Variants in EXOC4 observed in about 807,000 individuals in gnomAD.
The protein encoded by EXOC4 is exocyst complex component 4.
A neutral mutation model predicts 107.2 loss-of-function variants in EXOC4; 71 were observed. The observed-to-expected ratio is 0.66, with a 90% CI of 0.55 to 0.81. EXOC4 has a LOEUF of 0.81. EXOC4 is among the 30% of genes least tolerant of loss of function. The pLI is 0.00. For missense variants in EXOC4, 1,108 were observed against 1,189.6 expected (o/e 0.93, Z 1.01); for synonymous variants, 456 against 441.2 (o/e 1.03, Z -0.42).
intron 6 of EXOC4, among the ~76,000 whole-genome samples, chr7:133,361,105 C>G (rs1471436525): frequency 6.6e-6 from 1 of 152,094 alleles, no homozygotes; most frequent in African/African-American, 2.4e-5. Flanking sequence ...TATGAAATAT[C>G]TGCCATGGAC....
intron 10 of EXOC4, among the ~76,000 whole-genome samples, chr7:133,796,465 A>G (rs1288229750): frequency 6.6e-6 from 1 of 152,170 alleles, no homozygotes; most frequent in Non-Finnish European, 1.5e-5. Flanking sequence ...TGAGTTAACA[A>G]TATTATTTTG....
the EXOC4 span, among the ~76,000 whole-genome samples, chr7:134,078,443 C>T: frequency 6.6e-6 from 1 of 152,118 alleles, no homozygotes; most frequent in African/African-American, 2.4e-5. Context: ...ATCCTGATGT[C>T]TAATTATCTC....
chr7:133,668,843 G>A (rs1400204605), intron 10 of EXOC4, among the ~76,000 whole-genome samples: 1 of 152,120 alleles, frequency 6.6e-6, no homozygotes, highest in Admixed American at 6.5e-5. Flanking sequence ...CAGGTGGTGA[G>A]GGGCAGCCTC....
intron 7 of EXOC4, among the ~76,000 whole-genome samples, chr7:133,409,118 G>T (rs1195261508): frequency 6.6e-6 from 1 of 152,170 alleles, no homozygotes; most frequent in East Asian, 1.9e-4. Context: ...CTGTACCTCT[G>T]TGTTGTTCAT....
At chr7:133,636,210 C>A (rs1217230700) in intron 10 of EXOC4, among the ~76,000 whole-genome samples, 1 of 133,438 alleles carries the variant, frequency 7.5e-6, no homozygotes, top group Non-Finnish European at 1.6e-5. Flanking sequence ...GTAAAGCAAG[C>A]AAGATAATAC....
At chr7:133,563,437 A>G (rs927212853) in intron 9 of EXOC4, among the ~76,000 whole-genome samples, 5 of 152,128 alleles carry the variant, frequency 3.3e-5, no homozygotes, top group African/African-American at 9.7e-5. Flanking sequence ...TCCATCTTAC[A>G]TGTCACTTTA....
At chr7:134,006,355 A>G (rs182429031) in intron 16 of EXOC4, among the ~76,000 whole-genome samples, 1 of 152,278 alleles carries the variant, frequency 6.6e-6, no homozygotes, top group Non-Finnish European at 1.5e-5. Context: ...AGAGAATGAC[A>G]CCAAAACTTG....
chr7:133,910,649 C>T (rs1182129138), intron 12 of EXOC4, among the ~76,000 whole-genome samples: 3 of 152,172 alleles, frequency 2.0e-5, no homozygotes, highest in Non-Finnish European at 4.4e-5. Context: ...ATCTTTGCAT[C>T]CCTAATTGTC....
chr7:133,709,405 AGGCTCT>A (rs1794836943), intron 10 of EXOC4, among the ~76,000 whole-genome samples: 4 of 152,344 alleles, frequency 2.6e-5, no homozygotes, highest in African/African-American at 9.6e-5. Context: ...GGCTGTCACC[AGGCTCT>A]GCCCCAGCAG....
intron 17 of EXOC4, among the ~76,000 whole-genome samples, chr7:134,052,267 T>G (rs1161856924): frequency 6.6e-6 from 1 of 152,158 alleles, no homozygotes; most frequent in East Asian, 1.9e-4. Context: ...TGATTTGTTT[T>G]TCCAAAATGG....
intron 10 of EXOC4, among the ~76,000 whole-genome samples, chr7:133,738,662 G>C (rs566049269): frequency 1.3e-5 from 2 of 152,154 alleles, no homozygotes; most frequent in South Asian, 4.2e-4. Flanking sequence ...CATTTTTAGG[G>C]AATATGATTT....
intron 10 of EXOC4, among the ~76,000 whole-genome samples, chr7:133,635,733 C>G (rs1323172232): frequency 6.6e-6 from 1 of 152,142 alleles, no homozygotes; most frequent in Non-Finnish European, 1.5e-5. Context: ...CAGGGTTTAG[C>G]TAGGACATGA....
rs150903659 is a variant in EXOC4 at position 133,473,488 on chromosome 7, G to A, written c.1183-1840G>A. ...AGGTGCATATATATTTACTATTGTT[G>A]TATTCTCTTGCAGTATTGACCCCTT... On this transcript the variant is annotated intron_variant, in intron 7 of 17. Coordinates refer to ENST00000253861, the MANE Select transcript of EXOC4 (RefSeq NM_021807.4). Among the ~76,000 whole-genome samples the A allele has an allele frequency of 2.1e-3, 320 of 152,160 alleles. 2 individuals are homozygous for A. Among genetic ancestry groups the A allele is most frequent in the African/African-American group, 7.5e-3 (312 of 41,504 alleles).
At chr7:133,784,311 C>G (rs182975568) in intron 10 of EXOC4, among the ~76,000 whole-genome samples, 7 of 152,258 alleles carry the variant, frequency 4.6e-5, no homozygotes, top group African/African-American at 7.2e-5. Context: ...ATATCTTAAT[C>G]TGATCACTCT....
At chr7:133,654,697 C>T (rs756136015) in intron 10 of EXOC4, among the ~76,000 whole-genome samples, 1 of 152,118 alleles carries the variant, frequency 6.6e-6, no homozygotes, top group Non-Finnish European at 1.5e-5. Context: ...AAAATATAGT[C>T]ACACATCACT....
At chr7:133,923,007 T>C (rs1799972788) in intron 13 of EXOC4, among the ~76,000 whole-genome samples, 1 of 151,760 alleles carries the variant, frequency 6.6e-6, no homozygotes, top group African/African-American at 2.4e-5. Flanking sequence ...TTGATAACCA[T>C]ATATGTGCAT....
rs116625818 is a variant in EXOC4, at chr7:133,920,825, A to G, written c.2027+3087A>G. ...CTCTCTGAAGAACTTCTTTTGACAC[A>G]TCTTGCAAGACAGATCTACTGGCAG... On this transcript the variant is annotated intron_variant, in intron 13 of 17. Coordinates refer to ENST00000253861, the MANE Select transcript of EXOC4 (RefSeq NM_021807.4). 2.4e-3 allele frequency among the ~76,000 whole-genome samples: 366 copies of G among 152,288 alleles called. 5 individuals carry two copies. The highest frequency in any genetic ancestry group is 8.2e-3 in the African/African-American group (342 of 41,568).
chr7:133,748,014 T>A (rs1160218018), intron 10 of EXOC4, among the ~76,000 whole-genome samples: 1 of 152,164 alleles, frequency 6.6e-6, no homozygotes, highest in Non-Finnish European at 1.5e-5. Context: ...AAAAGGAGAA[T>A]CTAAACAGTC....
intron 6 of EXOC4, among the ~76,000 whole-genome samples, chr7:133,367,282 C>T (rs1471487594): frequency 6.6e-6 from 1 of 151,930 alleles, no homozygotes; most frequent in African/African-American, 2.4e-5. Context: ...AAGGAACAGG[C>T]TGAGGATGAG....
Sources: gnomAD v4.1 joint callset for allele counts (sites outside exome capture counted in the v4.1 genomes callset) on GRCh38, gnomAD v4.1.1 for gene constraint, MANE v1.5 for transcripts, NCBI Gene and HGNC (gene_info 2026-07-23, HGNC 2026-07-21) for gene names.